Variants in CUBN observed in about 807,000 individuals in gnomAD.
CUBN encodes the protein 460 kDa receptor.
A neutral mutation model predicts 405.3 loss-of-function variants in CUBN; 282 were observed. That is an observed-to-expected ratio of 0.70 (90% CI 0.63 to 0.77). The LOEUF is 0.77. Ranked by LOEUF, CUBN falls within the 30% of genes least tolerant of loss-of-function variation. The probability of loss-of-function intolerance (pLI) is 0.00; values close to 1 mark genes in which losing one functional copy is unlikely to be tolerated. For synonymous variants in CUBN, 1,684 were observed against 1,617.0 expected, an observed-to-expected ratio of 1.04 and a Z score of -0.99; for missense variants, 4,514 against 4,475.2, an observed-to-expected ratio of 1.01 and a Z score of -0.25.
At chr10:17,047,059 G>A (rs1316059215) in intron 23 of CUBN, among the ~76,000 whole-genome samples, 1 of 152,094 alleles carries the variant, frequency 6.6e-6, no homozygotes, top group Non-Finnish European at 1.5e-5. Flanking sequence ...TAAATGAACA[G>A]CAAACAGCCT....
In CUBN at chr10:16,947,374, G is replaced by C. The variant is rs760324864; in HGVS notation, c.5210-7C>G. Reference sequence around the variant, plus strand: ...TAGAACGTTCCACCACAAGCTGGAAGAAAATAGAAATAAAGTGAGTATCAG... The same window carrying C: ...TAGAACGTTCCACCACAAGCTGGAACAAAATAGAAATAAAGTGAGTATCAG... On this transcript the variant is annotated splice_region_variant and splice_polypyrimidine_tract_variant and intron_variant, in intron 35 of 66. Coordinates refer to ENST00000377833, the MANE Select transcript of CUBN (RefSeq NM_001081.4). 3.1e-5 allele frequency: 50 copies of C among 1,613,768 alleles called. No homozygotes were observed. In the East Asian group the frequency reaches 1.1e-3, roughly 35 times the overall value.
At chr10:16,926,013 C>T (rs139530102) in intron 41 of CUBN, among the ~76,000 whole-genome samples, 1 of 152,206 alleles carries the variant, frequency 6.6e-6, no homozygotes, top group Non-Finnish European at 1.5e-5. Flanking sequence ...GACAAATTAC[C>T]TGCTTTCATA....
chr10:17,045,219 C>G (rs1413237858), intron 24 of CUBN, 31 bp from the exon 25 acceptor site: 1 of 1,606,096 alleles, frequency 6.2e-7, no homozygotes. Context: ...ATGACACACA[C>G]CCCTTTCCTT....
intron 14 of CUBN, among the ~76,000 whole-genome samples, chr10:17,094,531 T>C (rs1836331456): frequency 6.6e-6 from 1 of 152,026 alleles, no homozygotes; most frequent in Admixed American, 6.6e-5. Flanking sequence ...CTTTTAGAAC[T>C]AATAAATGAA....
intron 43 of CUBN, among the ~76,000 whole-genome samples, chr10:16,920,396 AT>A (rs1335165372): frequency 2.0e-5 from 3 of 152,214 alleles, no homozygotes; most frequent in African/African-American, 4.8e-5. Context: ...CAACCAAATG[AT>A]TATGGCACAT....
Position 16,949,909 on chromosome 10 carries a change from A to G in CUBN, c.5080+92T>C, listed in dbSNP as rs1201300786. ...GCTGCTCTTTCTATTTATTGGAAAC[A>G]TTGCAACCTAGAATGGCAGCCTATA... On this transcript the variant is annotated intron_variant, in intron 34 of 66. Transcript: ENST00000377833. 3.2e-6 allele frequency: 3 copies of G among 941,220 alleles called. No homozygotes were observed. In the Admixed American group the frequency reaches 5.9e-5, roughly 19 times the overall value. 58.3% of individuals were successfully genotyped at this position (941,220 alleles called of 1,614,324 possible). A position where few individuals can be genotyped will look rare whatever the true frequency, so the allele number is the denominator to read the frequency against.
chr10:17,126,197 A>G (rs186949352), intron 4 of CUBN, among the ~76,000 whole-genome samples: 410 of 152,352 alleles, frequency 2.7e-3, no homozygotes, highest in African/African-American at 8.6e-3. Flanking sequence ...TACAGCTTCC[A>G]TGAAAGTCTT....
chr10:16,872,926 G>A (rs1174858463), intron 58 of CUBN, among the ~76,000 whole-genome samples: 7 of 152,170 alleles, frequency 4.6e-5, no homozygotes, highest in Admixed American at 3.3e-4. Context: ...AGTTTTCTTC[G>A]AGGTCCAGCC....
chr10:17,118,523 G>A (rs1391452002), intron 6 of CUBN, among the ~76,000 whole-genome samples: 1 of 152,086 alleles, frequency 6.6e-6, no homozygotes. Flanking sequence ...TGCAACATCT[G>A]CCTCCCAGGT....
chr10:16,858,063 A>G (rs1026359025), intron 59 of CUBN, among the ~76,000 whole-genome samples: 5 of 152,164 alleles, frequency 3.3e-5, no homozygotes, highest in Non-Finnish European at 1.5e-5. Context: ...ATTTATAATC[A>G]TTACAAAAAA....
chr10:17,122,952 A>G (rs1588658326), intron 5 of CUBN, 54 bp from the exon 6 acceptor site: 1 of 1,211,092 alleles, frequency 8.3e-7, no homozygotes, highest in Non-Finnish European at 1.2e-6. Flanking sequence ...AGGTATCTGG[A>G]GCGAACATTC....
At position 16,877,068 on chromosome 10, in the gene CUBN, T is replaced by C. The variant is rs755659254; in HGVS notation, c.8935A>G (p.Asn2979Asp). 14 of 1,614,004 alleles carry C rather than the reference T, an allele frequency of 8.7e-6. No homozygotes were observed. Among genetic ancestry groups the C allele is most frequent in the Non-Finnish European group, 1.2e-5 (14 of 1,179,976 alleles). The change falls in exon 57 of 67, where the codon AAC (asparagine) becomes GAC (aspartate). Residue 2979 changes from asparagine to aspartate, a missense_variant. Transcript: ENST00000377833. The part of the protein sequence containing the change: ...ARSAVTGSCV[N>D]DGVHIIRGYS... ...CCTCTGATAATGTGCACGCCATCGT[T>C]GACACAGCTTCCCGTCACAGCGGAA...
intron 28 of CUBN, among the ~76,000 whole-genome samples, chr10:17,017,726 G>A (rs1834371571): frequency 6.6e-6 from 1 of 152,124 alleles, no homozygotes; most frequent in South Asian, 2.1e-4. Context: ...GGTGAACCCA[G>A]GTGCCTAAAG....
intron 22 of CUBN, among the ~76,000 whole-genome samples, chr10:17,061,593 G>C (rs1835505402): frequency 6.6e-6 from 1 of 152,114 alleles, no homozygotes; most frequent in Non-Finnish European, 1.5e-5. Flanking sequence ...CTCATTCCAG[G>C]ATCACTGATA....
intron 19 of CUBN, among the ~76,000 whole-genome samples, chr10:17,069,798 C>T (rs917423965): frequency 3.3e-5 from 5 of 152,192 alleles, no homozygotes; most frequent in African/African-American, 1.2e-4. Context: ...TCCACCTTGA[C>T]CTCTTAAAGT....
intron 39 of CUBN, among the ~76,000 whole-genome samples, chr10:16,934,409 A>G (rs753607916): frequency 2.6e-5 from 4 of 152,238 alleles, no homozygotes; most frequent in Non-Finnish European, 5.9e-5. Context: ...GGAAGTGAAT[A>G]TAAAATGTTG....
At chr10:16,925,853 G>A in intron 41 of CUBN, 79 bp from the exon 42 acceptor site, 1 of 1,349,392 alleles carries the variant, frequency 7.4e-7, no homozygotes, top group Non-Finnish European at 1.1e-6. Context: ...TTTTCTTGGG[G>A]GGTTTTCAAA....
intron 31 of CUBN, among the ~76,000 whole-genome samples, chr10:16,959,609 CA>C (rs1192546684): frequency 1.4e-5 from 2 of 146,738 alleles, no homozygotes. Context: ...GCCTGGGCAA[CA>C]AGAGCAAAAC....
intron 40 of CUBN, 117 bp downstream of exon 40, chr10:16,932,970 T>G: frequency 9.6e-7 from 1 of 1,039,832 alleles, no homozygotes; most frequent in Non-Finnish European, 1.5e-6. Context: ...TCCTTGACCA[T>G]AATATCTGTG....
Sources: allele counts gnomAD v4.1 joint callset (sites outside exome capture counted in the v4.1 genomes callset), GRCh38; gene constraint gnomAD v4.1.1; transcripts MANE v1.5; gene names NCBI Gene and HGNC (gene_info 2026-07-23, HGNC 2026-07-21).